Variants in RPTOR observed in about 807,000 individuals in gnomAD.
RPTOR encodes the protein regulatory-associated protein of mTOR.
In RPTOR, 21 loss-of-function variants were observed where a neutral mutation model predicts 169.9. The observed-to-expected ratio is 0.12, with a 90% CI of 0.09 to 0.18. The LOEUF is 0.18. Among genes scored for constraint, RPTOR ranks in the 10% least tolerant of loss-of-function variants. RPTOR has a pLI of 1.00. For missense variants in RPTOR, 1,133 were observed against 1,855.9 expected (o/e 0.61, Z 7.16); for synonymous variants, 732 against 753.2 (o/e 0.97, Z 0.46).
At chr17:80,809,791 C>T (rs767608183) in intron 7 of RPTOR, among the ~76,000 whole-genome samples, 5 of 152,090 alleles carry the variant, frequency 3.3e-5, no homozygotes, top group South Asian at 2.1e-4. Flanking sequence ...GTAATCCCAA[C>T]ACTTTGGGAG....
At chr17:80,850,853 A>C (rs555198823) in intron 11 of RPTOR, among the ~76,000 whole-genome samples, 1 of 152,318 alleles carries the variant, frequency 6.6e-6, no homozygotes, top group South Asian at 2.1e-4. Context: ...CCAGGGCTGG[A>C]ACTGGAGAAT....
chr17:80,927,724 G>C (rs980787887), intron 24 of RPTOR, among the ~76,000 whole-genome samples: 1 of 61,856 alleles, frequency 1.6e-5, no homozygotes, highest in Non-Finnish European at 3.1e-5. Context: ...GTGTGTGTCT[G>C]TGTGTTTCTG....
In RPTOR at chr17:80,656,889, G is replaced by T. The variant is rs191448138; in HGVS notation, c.348+13079G>T. On this transcript the variant is annotated intron_variant, in intron 3 of 33. Transcript: ENST00000306801. Reference sequence around the variant, plus strand: ...CGGAACACTTGTATTGAGTGGCAGGGAGCCGCGGGGACACTGCCCATAGCG... The same window carrying T: ...CGGAACACTTGTATTGAGTGGCAGGTAGCCGCGGGGACACTGCCCATAGCG... 2.6e-3 allele frequency among the ~76,000 whole-genome samples: 393 copies of T among 152,338 alleles called. 3 individuals are homozygous for T. The highest frequency in any genetic ancestry group is 8.0e-3 in the African/African-American group (333 of 41,578).
Position 80,823,386 on chromosome 17 carries a change from A to T in RPTOR, c.1136+163A>T. On this transcript the variant is annotated intron_variant, in intron 9 of 33. Coordinates refer to ENST00000306801, the MANE Select transcript of RPTOR (RefSeq NM_020761.3). This position sits in a 1 kb window ranked among gnomAD's most constrained non-coding sequence, Gnocchi z 4.5. ...AAATGCAGGGCTCCCAGAGATCTCC[A>T]CACAGAGGAGTGGGGGTCTCCTTCA... The T allele has an allele frequency of 1.1e-6, 1 of 870,552 alleles. No homozygotes were observed. The highest frequency in any genetic ancestry group is 1.7e-6 in the Non-Finnish European group (1 of 588,772). The allele number at this position is 870,552 out of a possible 1,614,324, so 53.9% of individuals were successfully genotyped here. A position where few individuals can be genotyped will look rare whatever the true frequency, so the allele number is the denominator to read the frequency against.
intron 10 of RPTOR, among the ~76,000 whole-genome samples, chr17:80,839,916 A>G (rs913993640): frequency 7.2e-5 from 11 of 152,352 alleles, no homozygotes; most frequent in Admixed American, 2.6e-4. Context: ...CTAAACAACT[A>G]GAATCAATAT....
chr17:80,670,035 C>T (rs2143677864), intron 3 of RPTOR, among the ~76,000 whole-genome samples: 1 of 152,256 alleles, frequency 6.6e-6, no homozygotes, highest in South Asian at 2.1e-4. Context: ...TTTAGATGTA[C>T]AAGAGATCTG....
chr17:80,810,092 T>TAAAA (rs1555621743), intron 7 of RPTOR, among the ~76,000 whole-genome samples: 130 of 148,638 alleles, frequency 8.7e-4, no homozygotes, highest in African/African-American at 2.2e-3. Context: ...AATAAATAAA[T>TAAAA]AAAACAGTCT....
chr17:80,930,553 C>T (rs2068885365), intron 24 of RPTOR, among the ~76,000 whole-genome samples: 1 of 122,234 alleles, frequency 8.2e-6, no homozygotes, highest in Non-Finnish European at 1.8e-5. Context: ...CTTCACCCGC[C>T]TCAGGAGGAC....
intron 3 of RPTOR, among the ~76,000 whole-genome samples, chr17:80,672,978 G>A (rs1367341933): frequency 6.6e-6 from 1 of 152,046 alleles, no homozygotes; most frequent in Non-Finnish European, 1.5e-5. Context: ...CCAGGCTGGA[G>A]TGCAGTGGTG....
At chr17:80,557,993 A>C (rs1456371392) in intron 1 of RPTOR, among the ~76,000 whole-genome samples, 4 of 151,302 alleles carry the variant, frequency 2.6e-5, no homozygotes, top group African/African-American at 9.7e-5. Flanking sequence ...TTGGCATTGC[A>C]AATCAATGCT....
chr17:80,812,615 A>G (rs1337749058), intron 7 of RPTOR, among the ~76,000 whole-genome samples: 18 of 152,156 alleles, frequency 1.2e-4, no homozygotes. Flanking sequence ...GATGCTTCCA[A>G]GAGAGGTGGC....
chr17:80,703,398 G>T (rs946900951), intron 3 of RPTOR, among the ~76,000 whole-genome samples: 1 of 152,106 alleles, frequency 6.6e-6, no homozygotes, highest in Non-Finnish European at 1.5e-5. Flanking sequence ...GCTGGCAGGC[G>T]CTCACCCCAC....
intron 23 of RPTOR, among the ~76,000 whole-genome samples, chr17:80,924,641 C>A (rs751996736): frequency 1.3e-5 from 2 of 151,682 alleles, no homozygotes; most frequent in African/African-American, 4.8e-5. Context: ...GCTACCGGCA[C>A]GTGCAGCTCA....
At chr17:80,949,725 C>G (rs2144066258) in intron 28 of RPTOR, among the ~76,000 whole-genome samples, 178 bp downstream of exon 28, 1 of 152,336 alleles carries the variant, frequency 6.6e-6, no homozygotes, top group African/African-American at 2.4e-5. Flanking sequence ...CCCCAGGTCC[C>G]TGAGTGCACT....
rs113367571 is a variant in RPTOR at position 80,928,142 on chromosome 17, T to G, written c.2919+2662T>G. ...AAAGAGCGCCGTGTTGTGGTCGGCG[T>G]CGTCTGTAACTCCTGATAGCAACTG... On this transcript the variant is annotated intron_variant, in intron 24 of 33. Coordinates refer to ENST00000306801, the MANE Select transcript of RPTOR (RefSeq NM_020761.3). 1.5e-3 allele frequency among the ~76,000 whole-genome samples: 232 copies of G among 152,260 alleles called. 2 individuals carry two copies. The highest frequency in any genetic ancestry group is 2.7e-3 in the East Asian group (14 of 5,182).
intron 3 of RPTOR, among the ~76,000 whole-genome samples, chr17:80,674,269 T>A (rs2065844035): frequency 6.6e-6 from 1 of 152,226 alleles, no homozygotes; most frequent in Non-Finnish European, 1.5e-5. Flanking sequence ...GGGCAAAATG[T>A]TTTTTGAAGT....
chr17:80,576,203 G>C (rs1406247161), intron 1 of RPTOR, among the ~76,000 whole-genome samples: 2 of 152,054 alleles, frequency 1.3e-5, no homozygotes, highest in Admixed American at 1.3e-4. Context: ...ACAGCCATTG[G>C]GGCCTAAATC....
intron 6 of RPTOR, among the ~76,000 whole-genome samples, chr17:80,755,897 C>T (rs1226695451): frequency 6.6e-6 from 1 of 152,138 alleles, no homozygotes; most frequent in Non-Finnish European, 1.5e-5. Context: ...TCCTCTGCAC[C>T]CAGCGGAGCA....
At chr17:80,780,594 G>C (rs1228695245) in intron 6 of RPTOR, among the ~76,000 whole-genome samples, 1 of 152,186 alleles carries the variant, frequency 6.6e-6, no homozygotes, top group Non-Finnish European at 1.5e-5. Context: ...AGTCAGAGCG[G>C]AACCGTGACC....
Sources: allele counts gnomAD v4.1 joint callset (sites outside exome capture counted in the v4.1 genomes callset), GRCh38; gene constraint gnomAD v4.1.1; non-coding constraint Gnocchi (gnomAD v3.1); transcripts MANE v1.5; gene names NCBI Gene and HGNC (gene_info 2026-07-23, HGNC 2026-07-21).